GRB10: variants seen among roughly 807,000 people sequenced by gnomAD.
The protein encoded by GRB10 is growth factor receptor-bound protein 10.
Under a neutral mutation model 80.9 loss-of-function variants are expected in GRB10, and 20 were observed. The ratio of observed to expected loss-of-function variants is 0.25; its 90% CI spans 0.17 to 0.36. GRB10 has a LOEUF of 0.36. Among genes scored for constraint, GRB10 ranks in the 10% least tolerant of loss-of-function variants. The pLI is 1.00. For synonymous variants in GRB10, 291 were observed against 291.5 expected, an observed-to-expected ratio of 1.00 and a Z score of 0.02; for missense variants, 548 against 747.7, an observed-to-expected ratio of 0.73 and a Z score of 3.12.
At chr7:50,738,491 A>G (rs1244713579) in intron 3 of GRB10, among the ~76,000 whole-genome samples, 1 of 152,180 alleles carries the variant, frequency 6.6e-6, no homozygotes, top group Non-Finnish European at 1.5e-5. Flanking sequence ...CAGGCTGGAG[A>G]GCAGTGGTGT....
chr7:50,743,986 C>T (rs2072385058), intron 3 of GRB10, among the ~76,000 whole-genome samples: 1 of 152,150 alleles, frequency 6.6e-6, no homozygotes, highest in Non-Finnish European at 1.5e-5. Flanking sequence ...GAGGAAAACA[C>T]CAATTTTCTA....
chr7:50,593,902 A>T (rs963843199), intron 18 of GRB10, among the ~76,000 whole-genome samples: 3 of 152,096 alleles, frequency 2.0e-5, no homozygotes, highest in African/African-American at 7.2e-5. Context: ...TAATGCCCTA[A>T]GTCCCAAGTT....
chr7:50,705,894 C>T (rs765794479), intron 4 of GRB10, among the ~76,000 whole-genome samples: 2 of 152,354 alleles, frequency 1.3e-5, no homozygotes, highest in African/African-American at 2.4e-5. Context: ...CCGCAACAGG[C>T]GCTGAGGAGG....
intron 7 of GRB10, among the ~76,000 whole-genome samples, chr7:50,641,816 C>T (rs984446912): frequency 1.3e-5 from 2 of 152,218 alleles, no homozygotes; most frequent in African/African-American, 4.8e-5. Context: ...TGGTGACAGC[C>T]TTCTCTTGGG....
intron 2 of GRB10, among the ~76,000 whole-genome samples, chr7:50,772,689 T>C (rs1461047733): frequency 6.6e-6 from 1 of 152,324 alleles, no homozygotes; most frequent in East Asian, 1.9e-4. Context: ...TATATGGACA[T>C]TGGATTTGAC....
At chr7:50,681,181 T>C (rs2061501953) in intron 5 of GRB10, among the ~76,000 whole-genome samples, 1 of 152,240 alleles carries the variant, frequency 6.6e-6, no homozygotes, top group Non-Finnish European at 1.5e-5. Context: ...AATCTCAGTC[T>C]ACAACCACGA....
chr7:50,618,833 T>C (rs769877984), intron 9 of GRB10, among the ~76,000 whole-genome samples: 9 of 152,242 alleles, frequency 5.9e-5, no homozygotes, highest in South Asian at 2.1e-4. Flanking sequence ...ATAATGAGTT[T>C]TTCTTCTGCT....
chr7:50,660,594 C>A (rs1471669626), intron 7 of GRB10, among the ~76,000 whole-genome samples: 1 of 151,956 alleles, frequency 6.6e-6, no homozygotes, highest in South Asian at 2.1e-4. Flanking sequence ...GGCAGGAGCT[C>A]CCCCTCCACA....
intron 6 of GRB10, among the ~76,000 whole-genome samples, chr7:50,671,128 T>C (rs367743097): frequency 1.3e-5 from 2 of 152,216 alleles, no homozygotes; most frequent in East Asian, 1.9e-4. Flanking sequence ...AGGGCACTCC[T>C]GGACACACAG....
Position 50,655,128 on chromosome 7 carries a change from G to C in GRB10, c.504+14594C>G, listed in dbSNP as rs116486580. 3.9e-3 allele frequency among the ~76,000 whole-genome samples: 592 copies of C among 152,276 alleles called. 6 individuals carry two copies. Among genetic ancestry groups the C allele is most frequent in the African/African-American group, 0.013 (558 of 41,564 alleles). ...CCTCAAAACCCGAGGTCATTCTCTA[G>C]AATGTCTCTTGGTTCTGGTTCAGCT... On this transcript the variant is annotated intron_variant, in intron 7 of 18. Transcript: ENST00000401949.
chr7:50,789,644 A>G (rs1239878181), intron 1 of GRB10, among the ~76,000 whole-genome samples: 1 of 152,240 alleles, frequency 6.6e-6, no homozygotes, highest in Non-Finnish European at 1.5e-5. Flanking sequence ...TGCTGGGTCC[A>G]GCCCAAATAA....
chr7:50,752,113 T>G (rs1440749732), intron 3 of GRB10, among the ~76,000 whole-genome samples: 1 of 152,092 alleles, frequency 6.6e-6, no homozygotes, highest in Non-Finnish European at 1.5e-5. Context: ...AGTCAGGGTG[T>G]GCAGGTTAAG....
chr7:50,714,490 C>T (rs1433755273), intron 4 of GRB10, among the ~76,000 whole-genome samples: 4 of 152,062 alleles, frequency 2.6e-5, no homozygotes, highest in African/African-American at 4.8e-5. Flanking sequence ...GGTGAAACCC[C>T]GTCTCTACTA....
chr7:50,721,381 A>G (rs984072833), intron 4 of GRB10, among the ~76,000 whole-genome samples: 3 of 152,342 alleles, frequency 2.0e-5, no homozygotes, highest in Non-Finnish European at 2.9e-5. Context: ...CCTGCCCATG[A>G]GTCACAGAGG....
At chr7:50,765,561 T>C (rs2076256840) in intron 2 of GRB10, among the ~76,000 whole-genome samples, 1 of 152,226 alleles carries the variant, frequency 6.6e-6, no homozygotes. Flanking sequence ...ATATGACATG[T>C]TCTCACTCAT....
upstream of GRB10, among the ~76,000 whole-genome samples, chr7:50,783,831 G>A (rs542714518): frequency 7.0e-4 from 106 of 152,316 alleles, 3 homozygotes; most frequent in South Asian, 0.021. Flanking sequence ...ATCTCAGTCT[G>A]GGGTTCAAAG....
intron 13 of GRB10, among the ~76,000 whole-genome samples, chr7:50,610,117 C>T (rs2049247692): frequency 6.6e-6 from 1 of 152,146 alleles, no homozygotes; most frequent in African/African-American, 2.4e-5. Flanking sequence ...GATCCGGTGT[C>T]CTGTGTCCTC....
At chr7:50,742,265 GCGCGCGCACACACA>G (rs1269956515) in intron 3 of GRB10, among the ~76,000 whole-genome samples, 32 of 138,810 alleles carry the variant, frequency 2.3e-4, no homozygotes, top group African/African-American at 8.8e-4. Context: ...ACGCGCACGC[GCGCGCGCACACACA>G]CACACACACA....
intron 7 of GRB10, among the ~76,000 whole-genome samples, chr7:50,634,461 C>A (rs1415562893): frequency 2.0e-5 from 3 of 152,226 alleles, no homozygotes; most frequent in African/African-American, 7.2e-5. Context: ...ACAAAGCTCA[C>A]TGTATAAAGC....
Sources: allele counts gnomAD v4.1 joint callset (sites outside exome capture counted in the v4.1 genomes callset), GRCh38; gene constraint gnomAD v4.1.1; transcripts MANE v1.5; gene names NCBI Gene and HGNC (gene_info 2026-07-23, HGNC 2026-07-21).